Variants in MR1 observed in about 807,000 individuals in gnomAD.
MR1 encodes the protein major histocompatibility complex, class I-related, also known as major histocompatibility complex class I-related protein 1.
In MR1, 44 loss-of-function variants were observed where a neutral mutation model predicts 37.8. That is an observed-to-expected ratio of 1.16 (90% confidence interval 0.91 to 1.50). The LOEUF is 1.50. Ranked by LOEUF, MR1 falls within the 40% of genes most tolerant of loss-of-function variation. The probability of loss-of-function intolerance (pLI) is 0.00; values close to 1 mark genes in which losing one functional copy is unlikely to be tolerated. For synonymous variants in MR1, 153 were observed against 155.8 expected (o/e 0.98, Z 0.13); for missense variants, 386 against 419.1 (o/e 0.92, Z 0.69).
At chr1:181,052,647 T>A in intron 4 of MR1, 137 bp downstream of exon 4, 1 of 961,256 alleles carries the variant, frequency 1.0e-6, no homozygotes, top group Non-Finnish European at 1.5e-6. Context: ...TTTAAATAAG[T>A]GGTTCTCACA....
chr1:181,039,165 A>G (rs781618599), intron 1 of MR1, among the ~76,000 whole-genome samples: 1 of 152,228 alleles, frequency 6.6e-6, no homozygotes, highest in Admixed American at 6.5e-5. Context: ...AAAGTTTGTT[A>G]GAAGAATAAG....
At chr1:181,055,131 C>A in intron 5 of MR1, 94 bp from the exon 6 acceptor site, 1 of 1,125,898 alleles carries the variant, frequency 8.9e-7, no homozygotes. Flanking sequence ...ACTGTCGATG[C>A]CTGTTTCTCA....
chr1:181,038,720 T>A lies in MR1; in HGVS notation c.67+4646T>A, dbSNP rs1281979750. Among the ~76,000 whole-genome samples, 3 of 152,242 alleles carry A rather than the reference T, an allele frequency of 2.0e-5. No homozygotes were observed. The East Asian group carries it at 5.8e-4, about 29-fold the overall frequency. On this transcript the variant is annotated intron_variant, in intron 1 of 5. Transcript: ENST00000367580. ...AGTCTCAAGGTAGAGGGACTTCCCA[T>A]GGAGAGATCACAGTGTGATTCCTGG...
chr1:181,048,606 G>C (rs1260238774), intron 1 of MR1, among the ~76,000 whole-genome samples: 2 of 152,148 alleles, frequency 1.3e-5, no homozygotes, highest in African/African-American at 4.8e-5. Flanking sequence ...ACACACAGAG[G>C]TGGAGTGGGG....
upstream of MR1, chr1:181,033,982 T>A: frequency 6.2e-7 from 1 of 1,601,084 alleles, no homozygotes; most frequent in Non-Finnish European, 8.5e-7. Flanking sequence ...AGTTTTTGGT[T>A]AAAAGAACCC....
intron 1 of MR1, 121 bp from the exon 2 acceptor site, chr1:181,048,931 T>C: frequency 3.1e-6 from 4 of 1,289,284 alleles, no homozygotes; most frequent in Non-Finnish European, 4.3e-6. Flanking sequence ...AAATGGCAGC[T>C]GGGGCGTGGA....
At chr1:181,049,889 C>A in intron 2 of MR1, 122 bp from the exon 3 acceptor site, 1 of 1,171,272 alleles carries the variant, frequency 8.5e-7, no homozygotes, top group Non-Finnish European at 1.2e-6. Context: ...GATGCCATGG[C>A]AGGCCTGGGG....
chr1:181,049,300 T>C lies in MR1; in HGVS notation c.316T>C (p.Tyr106His). Residue 106 changes from tyrosine to histidine, a missense_variant, in exon 2 of 6, where the codon TAC (tyrosine) becomes CAC (histidine). Tyr to His is a moderately conservative substitution (Grantham distance 83). Transcript: ENST00000367580. ...KVELKRLQRH[Y>H]NHSGSHTYQR... ...GGAACTGAAGCGCCTACAGAGGCAC[T>C]ACAATCACTCAGGTGTGCATGCGGC... 6.2e-7 allele frequency: 1 copy of C among 1,613,584 alleles called. No homozygotes were observed. The highest frequency in any genetic ancestry group is 8.5e-7 in the Non-Finnish European group (1 of 1,179,752).
intron 1 of MR1, among the ~76,000 whole-genome samples, 170 bp from the exon 2 acceptor site, chr1:181,048,882 C>G (rs1196359648): frequency 1.3e-5 from 2 of 152,220 alleles, no homozygotes; most frequent in African/African-American, 2.4e-5. Context: ...TACGTCCTGT[C>G]CAGGCCCCGG....
chr1:181,048,750 C>T (rs1367638758), intron 1 of MR1, among the ~76,000 whole-genome samples: 1 of 152,188 alleles, frequency 6.6e-6, no homozygotes, highest in Non-Finnish European at 1.5e-5. Flanking sequence ...GGTCTTCTCC[C>T]TTCCCCCTAC....
chr1:181,052,268 CTT>C lies in MR1; in HGVS notation c.641_642del (p.Phe214SerfsTer34), dbSNP rs1376110733. On this transcript the variant is annotated frameshift_variant, in exon 4 of 6. Coordinates refer to ENST00000367580, the MANE Select transcript of MR1 (RefSeq NM_001385161.1). LOFTEE classifies it high-confidence loss of function. ...CTGGTCAGAGTAAATCGCAAAGAAA[CTT>C]TTCCAGGGGTTACAGCTCTCTTCTG... 1 of 1,614,162 alleles carries C rather than the reference CTT, an allele frequency of 6.2e-7. No homozygotes were observed. Among genetic ancestry groups the C allele is most frequent in the African/African-American group, 1.3e-5 (1 of 75,044 alleles).
chr1:181,058,303 C>G lies in MR1; in HGVS notation c.*3038C>G, dbSNP rs371424761. 2 of 148,800 alleles carry G rather than the reference C, an allele frequency of 1.3e-5. No homozygotes were observed. Among genetic ancestry groups the G allele is most frequent in the East Asian group, 2.0e-4 (1 of 5,074 alleles). 9.2% of individuals were successfully genotyped at this position (148,800 alleles called of 1,614,324 possible). A position where few individuals can be genotyped will look rare whatever the true frequency, so the allele number is the denominator to read the frequency against. ...CACTAGATGAGAAACCTGTTCAACT[C>G]TGTTCTTTTTTTTTTTTTTAACTCC... On this transcript the variant is annotated 3_prime_UTR_variant, in exon 6 of 6. Coordinates refer to ENST00000367580, the MANE Select transcript of MR1 (RefSeq NM_001385161.1).
intron 1 of MR1, among the ~76,000 whole-genome samples, chr1:181,046,508 G>C (rs1427309190): frequency 2.0e-5 from 3 of 152,138 alleles, no homozygotes; most frequent in Non-Finnish European, 4.4e-5. Flanking sequence ...CTAATCTGGT[G>C]GGGACGTGGA....
chr1:181,050,446 T>C lies in MR1; in HGVS notation c.604+160T>C, dbSNP rs1571396463. The C allele has an allele frequency of 1.1e-5, 10 of 888,404 alleles. No individual in the cohort carries two copies. In the East Asian group the frequency reaches 2.7e-4, roughly 24 times the overall value. The allele number at this position is 888,404 out of a possible 1,614,324, so 55.0% of individuals were successfully genotyped here. A position where few individuals can be genotyped will look rare whatever the true frequency, so the allele number is the denominator to read the frequency against. ...GAGCCCCCACGAAAACTTTCCCTGG[T>C]TACTTTTGAGCAGCATCTTGACAAG... On this transcript the variant is annotated intron_variant, in intron 3 of 5. Coordinates refer to ENST00000367580, the MANE Select transcript of MR1 (RefSeq NM_001385161.1).
Position 181,034,013 on chromosome 1 carries a change from G to T in MR1, c.6G>T (p.Gly2=). 2 of 1,612,148 alleles carry T rather than the reference G, an allele frequency of 1.2e-6. No individual in the cohort carries two copies. The highest frequency in any genetic ancestry group is 1.7e-6 in the Non-Finnish European group (2 of 1,179,338). The change falls in exon 1 of 6, where the codon GGG becomes GGT. Residue 2 remains glycine (G), a synonymous_variant. Transcript: ENST00000367580. M[G]ELMAFLLPLI... ...AACCCGGAAAGAGAAGGACTATGGG[G>T]GAACTGATGGCGTTCCTGTTACCTC...
intron 1 of MR1, among the ~76,000 whole-genome samples, chr1:181,046,643 C>G (rs1338748777): frequency 6.6e-6 from 1 of 152,022 alleles, no homozygotes; most frequent in Admixed American, 6.5e-5. Context: ...AGCAGGCTGC[C>G]CGAGCCAGCA....
At chr1:181,033,977 T>C (rs1001001907), upstream of MR1, 1 of 1,597,396 alleles carries the variant, frequency 6.3e-7, no homozygotes, top group Non-Finnish European at 8.5e-7. Context: ...CTGTCAGTTT[T>C]TGGTTAAAAG....
intron 1 of MR1, among the ~76,000 whole-genome samples, chr1:181,042,613 C>A (rs1479712904): frequency 6.6e-6 from 1 of 151,340 alleles, no homozygotes; most frequent in African/African-American, 2.4e-5. Flanking sequence ...ACCAGCCTGG[C>A]CAACGTGGCA....
chr1:181,034,771 G>C (rs1199562811), intron 1 of MR1, among the ~76,000 whole-genome samples: 1 of 152,172 alleles, frequency 6.6e-6, no homozygotes, highest in Non-Finnish European at 1.5e-5. Flanking sequence ...CCATAGGTGT[G>C]ACTGATGAAC....
Sources: allele counts gnomAD v4.1 joint callset (sites outside exome capture counted in the v4.1 genomes callset), GRCh38; gene constraint gnomAD v4.1.1; transcripts MANE v1.5; gene names NCBI Gene and HGNC (gene_info 2026-07-23, HGNC 2026-07-21).